CCNB1: variants seen among roughly 807,000 people sequenced by gnomAD.
The protein encoded by CCNB1 is cyclin B1.
CCNB1 carries 26 observed loss-of-function variants against 44.4 expected under a neutral mutation model. The observed-to-expected ratio is 0.59, with a 90% CI of 0.43 to 0.81. CCNB1 has a LOEUF of 0.81. CCNB1 is among the 40% of genes least tolerant of loss of function. The pLI is 0.00. For missense variants in CCNB1, 477 were observed against 520.9 expected (o/e 0.92, Z 0.82); for synonymous variants, 195 against 181.4 (o/e 1.08, Z -0.60).
rs145759905 is a variant in CCNB1, at chr5:69,168,072, G to T, written c.186G>T (p.Met62Ile). 3.9e-4 allele frequency: 633 copies of T among 1,613,524 alleles called. 1 individual carries two copies. The highest frequency in any genetic ancestry group is 2.6e-3 in the Middle Eastern group (16 of 6,058). The change falls in exon 2 of 9, where the codon ATG becomes ATT. Residue 62 changes from methionine to isoleucine, a missense_variant. Met to Ile is a conservative substitution (Grantham distance 10). Transcript: ENST00000256442. ...VSEQLQAKMP[M>I]KKEAKPSATG... Reference sequence around the variant, plus strand: ...AACAACTGCAGGCCAAAATGCCTATGAAGAAGGTAACTCTCTTCCTGACCT... The same window carrying T: ...AACAACTGCAGGCCAAAATGCCTATTAAGAAGGTAACTCTCTTCCTGACCT...
Position 69,175,066 on chromosome 5 carries a change from C to A in CCNB1, c.895C>A (p.Arg299=). The A allele has an allele frequency of 6.8e-6, 11 of 1,614,102 alleles. No homozygotes were observed. The highest frequency in any genetic ancestry group is 9.3e-6 in the Non-Finnish European group (11 of 1,180,012). Residue 299 remains arginine (R), a synonymous_variant, in exon 6 of 9, where the codon CGG becomes AGG. Transcript: ENST00000256442. ...ILRALNFGLG[R]PLPLHFLRRA... is the part of the protein sequence containing the mutation. ...AAGAGCTTTAAACTTTGGTCTGGGT[C>A]GGCCTCTACCTTTGCACTTCCTTCG... is the stretch of plus-strand genomic sequence containing the variant.
Position 69,171,280 on chromosome 5 carries a change from C to G in CCNB1, c.374C>G (p.Ala125Gly), listed in dbSNP as rs1013661802. ...LSPEPILVDT[A>G]SPSPMETSGC... is the part of the protein sequence containing the mutation. ...TCTCTTTGTTTCAAGGTTGATACTG[C>G]CTCTCCAAGCCCAATGGAAACATCT... Residue 125 changes from alanine (A) to glycine (G), a missense_variant, in exon 4 of 9, where the codon GCC (alanine) becomes GGC (glycine). By Grantham distance (60) the Ala-to-Gly change is moderately conservative. Coordinates refer to ENST00000256442, the MANE Select transcript of CCNB1 (RefSeq NM_031966.4). 3 of 1,606,960 alleles carry G rather than the reference C, an allele frequency of 1.9e-6. No homozygotes were observed. The highest frequency in any genetic ancestry group is 1.3e-5 in the African/African-American group (1 of 74,672).
chr5:69,174,754 T>C, intron 5 of CCNB1, 123 bp from the exon 6 acceptor site: 1 of 762,024 alleles, frequency 1.3e-6, no homozygotes, highest in South Asian at 1.7e-5. Context: ...CTAAAATCTT[T>C]CTTGGGGGAT....
At chr5:69,177,397 C>T in intron 8 of CCNB1, 48 bp downstream of exon 8, 2 of 1,352,650 alleles carry the variant, frequency 1.5e-6, no homozygotes, top group Non-Finnish European at 2.1e-6. Flanking sequence ...TGTAATAATT[C>T]AAACTTAATG....
At chr5:69,171,985 G>T (rs1239050630) in intron 4 of CCNB1, among the ~76,000 whole-genome samples, 3 of 151,996 alleles carry the variant, frequency 2.0e-5, no homozygotes, top group Non-Finnish European at 4.4e-5. Flanking sequence ...AATGGCATTT[G>T]CCCTTTCCCT....
At chr5:69,176,172 G>A (rs1483253163) in intron 7 of CCNB1, among the ~76,000 whole-genome samples, 1 of 151,550 alleles carries the variant, frequency 6.6e-6, no homozygotes, top group African/African-American at 2.4e-5. Flanking sequence ...ACAGGCGTGA[G>A]CCATTGCAAC....
chr5:69,177,695 A>G lies in CCNB1; in HGVS notation c.*64A>G, dbSNP rs1747627996. 4 of 926,294 alleles carry G rather than the reference A, an allele frequency of 4.3e-6. No individual in the cohort carries two copies. In the East Asian group the frequency reaches 9.7e-5, roughly 23 times the overall value. 57.4% of individuals were successfully genotyped at this position (926,294 alleles called of 1,614,324 possible). A position where few individuals can be genotyped will look rare whatever the true frequency, so the allele number is the denominator to read the frequency against. On this transcript the variant is annotated 3_prime_UTR_variant, in exon 9 of 9. Coordinates refer to ENST00000256442, the MANE Select transcript of CCNB1 (RefSeq NM_031966.4). ...AATTGGCACCATGTGCCATCTGTAC[A>G]TATTACTGTTGCATTTACTTTTAAT... is the stretch of plus-strand genomic sequence containing the variant.
At position 69,167,851 on chromosome 5, in the gene CCNB1, C is replaced by G. The variant is rs146181241; in HGVS notation, c.22-57C>G. The G allele has an allele frequency of 4.0e-6, 6 of 1,494,776 alleles. No individual in the cohort carries two copies. In the African/African-American group the frequency reaches 8.4e-5, roughly 21 times the overall value. 92.6% of individuals were successfully genotyped at this position (1,494,776 alleles called of 1,614,324 possible). On this transcript the variant is annotated intron_variant, in intron 1 of 8. Transcript: ENST00000256442. The stretch of plus-strand genomic sequence containing the variant: ...CTCCTTGTGCCCCACCTTAATTAAC[C>G]CTTGACTTACTCGAGCCTTCGTGGA...
chr5:69,177,415 A>G (rs1196943907), intron 8 of CCNB1, 66 bp downstream of exon 8: 1 of 1,265,022 alleles, frequency 7.9e-7, no homozygotes, highest in African/African-American at 1.5e-5. Context: ...ATGCCTGCAA[A>G]TGCCTGGTTT....
At chr5:69,171,070 C>T (rs1747448641) in intron 3 of CCNB1, among the ~76,000 whole-genome samples, 200 bp from the exon 4 acceptor site, 2 of 152,078 alleles carry the variant, frequency 1.3e-5, no homozygotes, top group African/African-American at 2.4e-5. Flanking sequence ...CCGCGCCCAA[C>T]CCAAATGATC....
chr5:69,175,000 TATAC>T lies in CCNB1; in HGVS notation c.830_833del (p.Tyr277LeufsTer10). 1 of 1,614,184 alleles carries T rather than the reference TATAC, an allele frequency of 6.2e-7. No homozygotes were observed. The highest frequency in any genetic ancestry group is 8.5e-7 in the Non-Finnish European group (1 of 1,180,016). ...CTTTGCTTTTGTGACTGACAACACT[TATAC>T]TAAGCACCAAATCAGACAGATGGAA... On this transcript the variant is annotated frameshift_variant, in exon 6 of 9. Transcript: ENST00000256442. LOFTEE classifies it high-confidence loss of function.
chr5:69,170,084 C>T (rs1470036371), intron 3 of CCNB1, among the ~76,000 whole-genome samples: 4 of 152,058 alleles, frequency 2.6e-5, no homozygotes, highest in African/African-American at 9.7e-5. Flanking sequence ...TTGCCTCAGC[C>T]TCCTGAGTAG....
In CCNB1 at chr5:69,177,257, T is replaced by G; in HGVS notation, c.1102T>G (p.Tyr368Asp). 1 of 1,604,528 alleles carries G rather than the reference T, an allele frequency of 6.2e-7. No homozygotes were observed. The highest frequency in any genetic ancestry group is 8.5e-7 in the Non-Finnish European group (1 of 1,172,054). The part of the protein sequence containing the change: ...NGEWTPTLQH[Y>D]LSYTEESLLP... Reference sequence around the variant, plus strand: ...GCCTTAGACACCAACTCTACAACATTACCTGTCATATACTGAAGAATCTCT... The same window carrying G: ...GCCTTAGACACCAACTCTACAACATGACCTGTCATATACTGAAGAATCTCT... The change falls in exon 8 of 9, where the codon TAC (tyrosine) becomes GAC (aspartate). Residue 368 changes from tyrosine (Y) to aspartate (D), a missense_variant. Coordinates refer to ENST00000256442, the MANE Select transcript of CCNB1 (RefSeq NM_031966.4).
Position 69,174,841 on chromosome 5 carries a change from A to C in CCNB1, c.706-36A>C, listed in dbSNP as rs376023047. The stretch of plus-strand genomic sequence containing the variant: ...ATCATAGCTCTGTGTCTCCTTTTCA[A>C]ACATTTTATTCACCCTATTGAAATT... On this transcript the variant is annotated intron_variant, in intron 5 of 8. Coordinates refer to ENST00000256442, the MANE Select transcript of CCNB1 (RefSeq NM_031966.4). 119 of 1,542,688 alleles carry C rather than the reference A, an allele frequency of 7.7e-5. 1 individual carries two copies. The African/African-American group carries it at 1.5e-3, about 20-fold the overall frequency.
chr5:69,168,554 C>T (rs1410876096), intron 3 of CCNB1, among the ~76,000 whole-genome samples: 2 of 152,316 alleles, frequency 1.3e-5, no homozygotes, highest in South Asian at 2.1e-4. Flanking sequence ...CTATTTAAAT[C>T]ATGGCTTTAG....
At chr5:69,176,606 G>A (rs572340402) in intron 7 of CCNB1, among the ~76,000 whole-genome samples, 13 of 150,312 alleles carry the variant, frequency 8.6e-5, no homozygotes, top group Admixed American at 6.6e-4. Context: ...TCCTGACCTC[G>A]TGATCCGCCC....
intron 4 of CCNB1, among the ~76,000 whole-genome samples, chr5:69,172,769 C>CTTT (rs922322066): frequency 3.4e-4 from 33 of 96,772 alleles, no homozygotes; most frequent in East Asian, 5.7e-4. Flanking sequence ...TGTGCTGTTT[C>CTTT]TTTTTTTTTT....
At chr5:69,172,866 C>T (rs536646226) in intron 4 of CCNB1, among the ~76,000 whole-genome samples, 2 of 150,390 alleles carry the variant, frequency 1.3e-5, no homozygotes, top group Non-Finnish European at 3.0e-5. Flanking sequence ...CTCTGTCTCC[C>T]GGGTTCACGC....
chr5:69,173,709 C>T (rs1045655718), intron 4 of CCNB1, among the ~76,000 whole-genome samples: 4 of 151,944 alleles, frequency 2.6e-5, no homozygotes, highest in Admixed American at 6.6e-5. Context: ...TGAAGAATAT[C>T]GTAAGACCTG....
Sources: allele counts gnomAD v4.1 joint callset (sites outside exome capture counted in the v4.1 genomes callset), GRCh38; gene constraint gnomAD v4.1.1; transcripts MANE v1.5; gene names NCBI Gene and HGNC (gene_info 2026-07-23, HGNC 2026-07-21).